MAP3K15: variants seen among roughly 807,000 people sequenced by gnomAD.
MAP3K15 encodes the protein MAPK/ERK kinase kinase 15.
MAP3K15 carries 124 observed loss-of-function variants against 99.5 expected under a neutral mutation model. The observed-to-expected ratio is 1.25, with a 90% CI of 1.08 to 1.45. The LOEUF (loss-of-function observed/expected upper bound fraction) is 1.45. Ranked by LOEUF, MAP3K15 falls within the 40% of genes most tolerant of loss-of-function variation. MAP3K15 has a pLI of 0.00. For missense variants in MAP3K15, 1,242 were observed against 1,079.7 expected, an observed-to-expected ratio of 1.15 and a Z score of -2.11; for synonymous variants, 494 against 439.6, an observed-to-expected ratio of 1.12 and a Z score of -1.55.
chrX:19,412,221 A>G (rs1184209482), intron 11 of MAP3K15, among the ~76,000 whole-genome samples: 1 of 112,175 alleles, frequency 8.9e-6, no homozygotes, highest in African/African-American at 3.2e-5. Flanking sequence ...GTGGCTTTAG[A>G]GAACTTCTTG....
At chrX:19,404,388 G>T (rs893301738) in intron 13 of MAP3K15, among the ~76,000 whole-genome samples, 2 of 111,926 alleles carry the variant, frequency 1.8e-5, no homozygotes, top group Admixed American at 9.5e-5. Context: ...TGTGTTCATG[G>T]ATTGGAAGCC....
At chrX:19,467,302 T>C (rs755072509) in intron 3 of MAP3K15, among the ~76,000 whole-genome samples, 122 of 111,125 alleles carry the variant, frequency 1.1e-3, no homozygotes, top group Non-Finnish European at 2.1e-3. Context: ...GGCTCCCTCT[T>C]GTCCCTGGTC....
At chrX:19,429,637 G>C (rs1347983063) in intron 7 of MAP3K15, among the ~76,000 whole-genome samples, 1 of 109,262 alleles carries the variant, frequency 9.2e-6, no homozygotes, top group African/African-American at 3.3e-5. Flanking sequence ...CCATCACTTA[G>C]GATGTTGGGT....
Position 19,425,589 on chromosome X carries a change from C to G in MAP3K15, c.1381G>C (p.Asp461His). Residue 461 changes from aspartate to histidine, a missense_variant, in exon 9 of 29, where the codon GAT (aspartate) becomes CAT (histidine). By Grantham distance (81) the Asp-to-His change is moderately conservative (BLOSUM62 -1). Transcript: ENST00000338883. Reference sequence around the variant, plus strand: ...GCTGCCTGGACGGCTTTCCCGACATCATGGGCCAGCATGCTGACGCTGAAG... The same window carrying G: ...GCTGCCTGGACGGCTTTCCCGACATGATGGGCCAGCATGCTGACGCTGAAG... ...QFFSVSMLAH[D>H]VGKAVQAAER... 1 of 1,199,176 alleles carries G rather than the reference C, an allele frequency of 8.3e-7. No individual in the cohort carries two copies. The highest frequency in any genetic ancestry group is 1.1e-6 in the Non-Finnish European group (1 of 894,492).
At chrX:19,424,390 A>G (rs2063814421) in intron 9 of MAP3K15, among the ~76,000 whole-genome samples, 1 of 109,443 alleles carries the variant, frequency 9.1e-6, no homozygotes, top group Non-Finnish European at 1.9e-5. Flanking sequence ...TTGTTACCAC[A>G]ATTCTAACGG....
chrX:19,392,381 A>T lies in MAP3K15; in HGVS notation c.2287T>A (p.Tyr763Asn). ...YTKQILEGLK[Y>N]LHENQIVHRD... The stretch of plus-strand genomic sequence containing the variant: ...TGCACGATCTGGTTTTCATGAAGAT[A>T]CTTAAGGCCCTCCAGGATCTGTTTG... The change falls in exon 17 of 29, where the codon TAT becomes AAT. Residue 763 changes from tyrosine (Y) to asparagine (N), a missense_variant. Physicochemically the swap from Tyr to Asn is moderately radical, Grantham distance 143 (BLOSUM62 -2). Coordinates refer to ENST00000338883, the MANE Select transcript of MAP3K15 (RefSeq NM_001001671.4). 2 of 1,210,180 alleles carry T rather than the reference A, an allele frequency of 1.7e-6. No homozygotes were observed. The highest frequency in any genetic ancestry group is 2.2e-6 in the Non-Finnish European group (2 of 894,512).
chrX:19,506,761 T>C (rs2064480300), intron 1 of MAP3K15, among the ~76,000 whole-genome samples: 1 of 111,740 alleles, frequency 8.9e-6, no homozygotes, highest in South Asian at 3.7e-4. Context: ...TGACCTCCAA[T>C]GATCCGCCTG....
intron 18 of MAP3K15, among the ~76,000 whole-genome samples, chrX:19,388,023 C>G (rs1408955377): frequency 8.9e-6 from 1 of 112,715 alleles, no homozygotes; most frequent in Non-Finnish European, 1.9e-5. Flanking sequence ...TGCCCCTGTC[C>G]TCTCCTTCCT....
At chrX:19,470,956 C>CA (rs905559322) in intron 3 of MAP3K15, among the ~76,000 whole-genome samples, 6 of 109,175 alleles carry the variant, frequency 5.5e-5, no homozygotes, top group Non-Finnish European at 7.7e-5. Flanking sequence ...GAAAAATTAC[C>CA]AAAAAAAAGG....
At chrX:19,481,655 G>A (rs750509053) in intron 3 of MAP3K15, among the ~76,000 whole-genome samples, 55 of 111,924 alleles carry the variant, frequency 4.9e-4, no homozygotes, top group African/African-American at 1.8e-3. Context: ...GACTATGAAT[G>A]ACCAATCAGC....
At chrX:19,483,118 C>T (rs2064302200) in intron 3 of MAP3K15, among the ~76,000 whole-genome samples, 1 of 109,336 alleles carries the variant, frequency 9.1e-6, no homozygotes, top group African/African-American at 3.3e-5. Flanking sequence ...ATTAGCCGGT[C>T]ATGGTGGCAC....
chrX:19,515,089 C>T lies in MAP3K15; in HGVS notation c.173G>A (p.Arg58Gln). 2.3e-6 allele frequency: 2 copies of T among 885,674 alleles called. No individual in the cohort carries two copies. The highest frequency in any genetic ancestry group is 2.1e-5 in the African/African-American group (1 of 46,603). 73.0% of individuals were successfully genotyped at this position (885,674 alleles called of 1,213,427 possible). A position where few individuals can be genotyped will look rare whatever the true frequency, so the allele number is the denominator to read the frequency against. The change falls in exon 1 of 29, where the codon CGG (arginine) becomes CAG (glutamine). Residue 58 changes from arginine to glutamine, a missense_variant. Arg to Gln is a conservative substitution (Grantham distance 43). Coordinates refer to ENST00000338883, the MANE Select transcript of MAP3K15 (RefSeq NM_001001671.4). ...SGEGESGGGP[R>Q]RALRAVYVRS... ...CACGTATACTGCCCGCAGAGCCCGCCGCGGCCCGCCCCCACTCTCGCCCTC... is the reference window on the plus strand; with the variant it reads ...CACGTATACTGCCCGCAGAGCCCGCTGCGGCCCGCCCCCACTCTCGCCCTC...
chrX:19,429,349 G>C (rs2063859797), intron 7 of MAP3K15, among the ~76,000 whole-genome samples: 1 of 110,686 alleles, frequency 9.0e-6, no homozygotes, highest in Admixed American at 9.7e-5. Flanking sequence ...GTGACTGGGG[G>C]CAGTGGTGAT....
rs752140028 is a variant in MAP3K15 at position 19,415,124 on chromosome X, T to G, written c.1573A>C (p.Asn525His). 1 of 1,168,217 alleles carries G rather than the reference T, an allele frequency of 8.6e-7. No homozygotes were observed. Among genetic ancestry groups the G allele is most frequent in the South Asian group, 1.9e-5 (1 of 51,575 alleles). ...IIFEATNEVT[N>H]GLRFPVLVIE... ...TATCTTACTGGAAATCTGAGTCCAT[T>G]AGTGACTTCATTTGTTGCCTCAAAA... Residue 525 changes from asparagine (N) to histidine (H), a missense_variant, in exon 10 of 29, where the codon AAT (asparagine) becomes CAT (histidine). By Grantham distance (68) the Asn-to-His change is moderately conservative. Transcript: ENST00000338883.
At position 19,372,843 on chromosome X, in the gene MAP3K15, T is replaced by G; in HGVS notation, c.2934-16A>C. ...GTCTGGAACACTGTGGACAAACACGTGTGACAATCTCTGTGCGTGCCGGGG... is the reference window on the plus strand; with the variant it reads ...GTCTGGAACACTGTGGACAAACACGGGTGACAATCTCTGTGCGTGCCGGGG... On this transcript the variant is annotated splice_polypyrimidine_tract_variant and intron_variant, in intron 21 of 28. Transcript: ENST00000338883. 7 of 1,197,657 alleles carry G rather than the reference T, an allele frequency of 5.8e-6. No individual in the cohort carries two copies. The highest frequency in any genetic ancestry group is 7.9e-6 in the Non-Finnish European group (7 of 886,864).
intron 6 of MAP3K15, among the ~76,000 whole-genome samples, chrX:19,440,993 C>A (rs1047792763): frequency 1.8e-5 from 2 of 111,754 alleles, no homozygotes; most frequent in Middle Eastern, 4.6e-3. Flanking sequence ...GTCAAAAGTG[C>A]AAACAACTCA....
At chrX:19,368,043 G>A (rs1490941398) in intron 25 of MAP3K15, among the ~76,000 whole-genome samples, 2 of 109,086 alleles carry the variant, frequency 1.8e-5, no homozygotes, top group Admixed American at 9.8e-5. Flanking sequence ...CACTGTGCCC[G>A]GTCAACTATG....
At chrX:19,369,342 TA>T in intron 24 of MAP3K15, 123 bp from the exon 25 acceptor site, 1 of 725,015 alleles carries the variant, frequency 1.4e-6, no homozygotes, top group Non-Finnish European at 2.1e-6. Flanking sequence ...CATGCTCCAT[TA>T]GGGGACTGCT....
chrX:19,468,088 C>A (rs1374098290), intron 3 of MAP3K15, among the ~76,000 whole-genome samples: 4 of 111,898 alleles, frequency 3.6e-5, no homozygotes, highest in African/African-American at 1.3e-4. Context: ...GCTGTAAGAA[C>A]TGCAGCTCTT....
Sources: gnomAD v4.1 joint callset for allele counts (sites outside exome capture counted in the v4.1 genomes callset) on GRCh38, gnomAD v4.1.1 for gene constraint, MANE v1.5 for transcripts, NCBI Gene and HGNC (gene_info 2026-07-23, HGNC 2026-07-21) for gene names.